ARHGAP39: variants seen among roughly 807,000 people sequenced by gnomAD.
ARHGAP39 encodes the protein rho GTPase-activating protein 39.
In ARHGAP39, 44 loss-of-function variants were observed where a neutral mutation model predicts 106.9. The ratio of observed to expected loss-of-function variants is 0.41; its 90% CI spans 0.32 to 0.53. The LOEUF is 0.53. ARHGAP39 is among the 20% of genes least tolerant of loss of function. The pLI, the probability that ARHGAP39 is intolerant of heterozygous loss-of-function variation, is 0.21. For missense variants in ARHGAP39, 1,496 were observed against 1,577.3 expected, an observed-to-expected ratio of 0.95 and a Z score of 0.87; for synonymous variants, 768 against 693.2, an observed-to-expected ratio of 1.11 and a Z score of -1.69.
intron 4 of ARHGAP39, among the ~76,000 whole-genome samples, chr8:144,553,829 A>G (rs1363678150): frequency 6.6e-6 from 1 of 152,222 alleles, no homozygotes; most frequent in Non-Finnish European, 1.5e-5. Flanking sequence ...TGGGCCGCCC[A>G]ACGCAGCGGC....
intron 2 of ARHGAP39, among the ~76,000 whole-genome samples, chr8:144,593,856 A>G (rs1029635576): frequency 5.3e-5 from 8 of 152,176 alleles, no homozygotes; most frequent in African/African-American, 1.9e-4. Context: ...TTGAGAGGCC[A>G]AGGCAGGTGG....
chr8:144,593,070 C>T (rs1307588132), intron 2 of ARHGAP39, among the ~76,000 whole-genome samples: 1 of 152,218 alleles, frequency 6.6e-6, no homozygotes, highest in Non-Finnish European at 1.5e-5. Flanking sequence ...TGCAAGATGT[C>T]TACGATCCCC....
intron 1 of ARHGAP39, among the ~76,000 whole-genome samples, chr8:144,608,759 T>C (rs1820384910): frequency 1.3e-5 from 2 of 152,220 alleles, no homozygotes; most frequent in South Asian, 4.1e-4. Context: ...TGGGTCTACT[T>C]TCAGCAACAT....
chr8:144,572,323 C>T (rs1207946617), intron 3 of ARHGAP39, among the ~76,000 whole-genome samples: 2 of 152,176 alleles, frequency 1.3e-5, no homozygotes, highest in African/African-American at 4.8e-5. Flanking sequence ...AATAACACCA[C>T]ACATTTACAA....
the ARHGAP39 span, among the ~76,000 whole-genome samples, chr8:144,699,438 G>C: frequency 7.7e-6 from 1 of 129,896 alleles, no homozygotes; most frequent in African/African-American, 3.0e-5. Flanking sequence ...CATAGGTTGG[G>C]GCCTTGAGGC....
At chr8:144,567,865 GCCC>G (rs1818457088) in intron 3 of ARHGAP39, among the ~76,000 whole-genome samples, 4 of 152,046 alleles carry the variant, frequency 2.6e-5, no homozygotes, top group Admixed American at 2.6e-4. Flanking sequence ...TCCTTATCCT[GCCC>G]CTTTGTCTTG....
intron 1 of ARHGAP39, among the ~76,000 whole-genome samples, chr8:144,606,977 T>C: frequency 6.6e-6 from 1 of 150,612 alleles, no homozygotes; most frequent in East Asian, 1.9e-4. Context: ...AGAACATCTG[T>C]TTATCAAGAA....
At chr8:144,632,100 A>C (rs1821076185) in intron 1 of ARHGAP39, among the ~76,000 whole-genome samples, 1 of 152,190 alleles carries the variant, frequency 6.6e-6, no homozygotes, top group Non-Finnish European at 1.5e-5. Context: ...TCTGACCTCC[A>C]AAGTGCTGAT....
At chr8:144,663,080 T>C (rs1821875472) in intron 1 of ARHGAP39, among the ~76,000 whole-genome samples, 1 of 136,480 alleles carries the variant, frequency 7.3e-6, no homozygotes, top group Admixed American at 7.2e-5. Flanking sequence ...TTATCCATCT[T>C]GGACTGCTCC....
At chr8:144,605,449 C>T (rs1820248966) in intron 2 of ARHGAP39, 86 bp downstream of exon 2, 1 of 1,390,150 alleles carries the variant, frequency 7.2e-7, no homozygotes, top group Admixed American at 1.7e-5. Flanking sequence ...GAGAATCCTG[C>T]ATGCACACTG....
chr8:144,689,609 G>T (rs1822703815), upstream of ARHGAP39, among the ~76,000 whole-genome samples: 1 of 147,710 alleles, frequency 6.8e-6, no homozygotes, highest in South Asian at 2.2e-4. Context: ...GCTAATTTTT[G>T]TATTTTTAGT....
intron 2 of ARHGAP39, among the ~76,000 whole-genome samples, chr8:144,595,963 C>A (rs534288456): frequency 6.6e-6 from 1 of 152,114 alleles, no homozygotes; most frequent in Non-Finnish European, 1.5e-5. Flanking sequence ...TTCTGCCAGG[C>A]GGCAGGTGTG....
At chr8:144,581,300 C>G in intron 2 of ARHGAP39, 23 bp from the exon 3 acceptor site, 1 of 1,516,740 alleles carries the variant, frequency 6.6e-7, no homozygotes, top group South Asian at 1.3e-5. Context: ...AGGGTTAAGG[C>G]GGCTGGAGCC....
Position 144,645,280 on chromosome 8 carries a change from C to T in ARHGAP39, c.-81-39585G>A, listed in dbSNP as rs762152789. On this transcript the variant is annotated intron_variant, in intron 1 of 11. Coordinates refer to ENST00000377307, the MANE Select transcript of ARHGAP39 (RefSeq NM_025251.3). This position sits in a 1 kb window ranked among gnomAD's most constrained non-coding sequence, Gnocchi z 4.4. Reference sequence around the variant, plus strand: ...TGGGACACTACATGAACTGAAGGCACGAGAAGTCCAGGTGTCAAGGAGAGG... The same window carrying T: ...TGGGACACTACATGAACTGAAGGCATGAGAAGTCCAGGTGTCAAGGAGAGG... Among the ~76,000 whole-genome samples, 66 of 152,204 alleles carry T rather than the reference C, an allele frequency of 4.3e-4. No individual in the cohort carries two copies. The highest frequency in any genetic ancestry group is 2.1e-4 in the Non-Finnish European group (14 of 68,038).
At position 144,634,200 on chromosome 8, in the gene ARHGAP39, T is replaced by C. The variant is rs55753335; in HGVS notation, c.-81-28505A>G. 5.4e-4 allele frequency among the ~76,000 whole-genome samples: 71 copies of C among 131,262 alleles called. 1 individual carries two copies. The highest frequency in any genetic ancestry group is 2.1e-3 in the African/African-American group (70 of 33,866). The allele number at this position is 131,262 out of a possible 152,430, so 86.1% of individuals were successfully genotyped here. Reference sequence around the variant, plus strand: ...ACTCCTGTCTGGAACTCCAGGCCTCTGCAGGCGCAGTCTCCACTCCTGTCT... The same window carrying C: ...ACTCCTGTCTGGAACTCCAGGCCTCCGCAGGCGCAGTCTCCACTCCTGTCT... On this transcript the variant is annotated intron_variant, in intron 1 of 11. Transcript: ENST00000377307.
intron 1 of ARHGAP39, among the ~76,000 whole-genome samples, chr8:144,627,471 C>T (rs1820951911): frequency 6.7e-6 from 1 of 148,390 alleles, no homozygotes; most frequent in Non-Finnish European, 1.5e-5. Context: ...AGGAGAATGG[C>T]TTGAACCTGG....
At chr8:144,555,704 C>A in intron 3 of ARHGAP39, 61 bp from the exon 4 acceptor site, 4 of 1,431,894 alleles carry the variant, frequency 2.8e-6, no homozygotes, top group Non-Finnish European at 3.9e-6. Flanking sequence ...CATAACCAGC[C>A]ACTCCCTGAC....
intron 9 of ARHGAP39, among the ~76,000 whole-genome samples, chr8:144,532,705 T>G (rs1173449192): frequency 6.6e-6 from 1 of 152,134 alleles, no homozygotes; most frequent in Non-Finnish European, 1.5e-5. Flanking sequence ...CAAGCCTCAG[T>G]TTCCCCAGCT....
chr8:144,693,994 G>A, the ARHGAP39 span, among the ~76,000 whole-genome samples: 1 of 152,262 alleles, frequency 6.6e-6, no homozygotes, highest in Admixed American at 6.5e-5. Flanking sequence ...GCTGAGCCAA[G>A]CAAATAGCGA....
Sources: gnomAD v4.1 joint callset for allele counts (sites outside exome capture counted in the v4.1 genomes callset) on GRCh38, gnomAD v4.1.1 for gene constraint, Gnocchi (gnomAD v3.1) non-coding constraint, MANE v1.5 for transcripts, NCBI Gene and HGNC (gene_info 2026-07-23, HGNC 2026-07-21) for gene names.